GNG2: variants seen among roughly 807,000 people sequenced by gnomAD.
GNG2 encodes the protein guanine nucleotide-binding protein G(I)/G(S)/G(O) subunit gamma-2.
Under a neutral mutation model 5.5 loss-of-function variants are expected in GNG2, and 5 were observed. The ratio of observed to expected loss-of-function variants is 0.91; its 90% CI spans 0.48 to 1.92. GNG2 has a LOEUF of 1.92. Among genes scored for constraint, GNG2 ranks in the 30% most tolerant of loss-of-function variants. The pLI is 0.01. For missense variants in GNG2, 55 were observed against 88.4 expected (o/e 0.62, Z 1.52); for synonymous variants, 28 against 32.0 (o/e 0.88, Z 0.42).
chr14:51,952,287 A>T (rs1889020429), intron 3 of GNG2, among the ~76,000 whole-genome samples: 1 of 152,190 alleles, frequency 6.6e-6, no homozygotes, highest in Non-Finnish European at 1.5e-5. Context: ...TCTTCTTTCA[A>T]CAGCCTTAAT....
At chr14:51,879,494 T>G (rs1306432495) in intron 2 of GNG2, among the ~76,000 whole-genome samples, 1 of 152,214 alleles carries the variant, frequency 6.6e-6, no homozygotes, top group East Asian at 1.9e-4. Context: ...ACCTAGTGGC[T>G]TAGAACAACA....
At chr14:51,963,930 T>C (rs1318143454) in intron 3 of GNG2, among the ~76,000 whole-genome samples, 5 of 152,212 alleles carry the variant, frequency 3.3e-5, no homozygotes, top group Non-Finnish European at 7.3e-5. Context: ...TTTACATACA[T>C]ATCATGTATT....
intron 2 of GNG2, among the ~76,000 whole-genome samples, chr14:51,847,690 C>A (rs1881683644): frequency 6.6e-6 from 1 of 152,090 alleles, no homozygotes; most frequent in South Asian, 2.1e-4. Flanking sequence ...ACGAGAGGGG[C>A]CATGGACCCT....
chr14:51,957,346 A>G (rs1355249608), intron 3 of GNG2, among the ~76,000 whole-genome samples: 1 of 152,112 alleles, frequency 6.6e-6, no homozygotes, highest in Non-Finnish European at 1.5e-5. Flanking sequence ...AACGGCCTCA[A>G]TTGTTTACAT....
At chr14:51,863,667 A>G (rs1386775257) in intron 1 of GNG2, among the ~76,000 whole-genome samples, 2 of 152,142 alleles carry the variant, frequency 1.3e-5, no homozygotes, top group Non-Finnish European at 2.9e-5. Context: ...TTCTATACCC[A>G]TTAATCAATA....
At chr14:51,910,763 G>C (rs1886242333) in intron 2 of GNG2, among the ~76,000 whole-genome samples, 1 of 152,182 alleles carries the variant, frequency 6.6e-6, no homozygotes, top group Non-Finnish European at 1.5e-5. Context: ...TCCATGTCTT[G>C]TTCTGTTAAT....
chr14:51,878,722 G>A (rs975349603), intron 2 of GNG2, among the ~76,000 whole-genome samples: 1 of 152,164 alleles, frequency 6.6e-6, no homozygotes, highest in African/African-American at 2.4e-5. Flanking sequence ...ATCTCCAAAT[G>A]AGGTGATCTG....
chr14:51,911,592 G>A (rs1886298258), intron 2 of GNG2, among the ~76,000 whole-genome samples: 1 of 151,436 alleles, frequency 6.6e-6, no homozygotes, highest in South Asian at 2.1e-4. Context: ...TACCCAAGCT[G>A]GGGTACAGTG....
At chr14:51,966,457 C>A in intron 3 of GNG2, 102 bp from the exon 4 acceptor site, 1 of 1,013,880 alleles carries the variant, frequency 9.9e-7, no homozygotes, top group Non-Finnish European at 1.5e-6. Flanking sequence ...TATCTTGCTT[C>A]ATGGAGCAAG....
chr14:51,959,447 A>G (rs1398983947), intron 3 of GNG2, among the ~76,000 whole-genome samples: 4 of 152,086 alleles, frequency 2.6e-5, no homozygotes, highest in Admixed American at 2.6e-4. Flanking sequence ...TTTTTTATTC[A>G]TACTGTGCAT....
intron 1 of GNG2, among the ~76,000 whole-genome samples, chr14:51,864,337 C>T (rs1031641981): frequency 1.3e-5 from 2 of 152,020 alleles, no homozygotes; most frequent in African/African-American, 4.8e-5. Context: ...TATTCATATT[C>T]CTTGCTGATG....
intron 2 of GNG2, among the ~76,000 whole-genome samples, chr14:51,842,651 C>T (rs1881514873): frequency 6.7e-6 from 1 of 150,200 alleles, no homozygotes; most frequent in South Asian, 2.1e-4. Flanking sequence ...TTTCAGAGTA[C>T]AGTTATTTGC....
At chr14:51,910,978 G>T (rs548579591) in intron 2 of GNG2, among the ~76,000 whole-genome samples, 1 of 152,304 alleles carries the variant, frequency 6.6e-6, no homozygotes, top group Non-Finnish European at 1.5e-5. Flanking sequence ...TTTAGTTTTT[G>T]AACTTCCAAA....
intron 2 of GNG2, among the ~76,000 whole-genome samples, chr14:51,839,563 A>G (rs546880465): frequency 6.6e-6 from 1 of 152,154 alleles, no homozygotes; most frequent in East Asian, 1.9e-4. Context: ...GGTTCCCAAG[A>G]TTTATTTTCC....
intron 2 of GNG2, among the ~76,000 whole-genome samples, chr14:51,929,860 G>A (rs1382056993): frequency 2.0e-5 from 3 of 152,156 alleles, no homozygotes; most frequent in Non-Finnish European, 4.4e-5. Context: ...ACAGATAAAT[G>A]AAAATGTTTA....
intron 2 of GNG2, chr14:51,847,457 G>C (rs1881670392): frequency 6.6e-6 from 1 of 152,260 alleles, no homozygotes; most frequent in South Asian, 2.1e-4. Flanking sequence ...GAGTAGCCCT[G>C]ACTACGGAAG....
At chr14:51,856,552 C>T (rs899129205), upstream of GNG2, among the ~76,000 whole-genome samples, 6 of 152,190 alleles carry the variant, frequency 3.9e-5, no homozygotes, top group Non-Finnish European at 7.4e-5. Flanking sequence ...CCTGCCTCAG[C>T]CTCCTGAGTA....
At position 51,958,161 on chromosome 14, in the gene GNG2, T is replaced by C. The variant is rs908500002; in HGVS notation, c.87+7396T>C. 3.9e-5 allele frequency among the ~76,000 whole-genome samples: 6 copies of C among 152,364 alleles called. No homozygotes were observed. In the East Asian group the frequency reaches 1.2e-3, roughly 29 times the overall value. ...GTTGGCACAGACTGAAAGTGGTTAT[T>C]GCGTCCTTTTGGCATGCTGCCCTCA... is the stretch of plus-strand genomic sequence containing the variant. On this transcript the variant is annotated intron_variant, in intron 3 of 3. Transcript: ENST00000556766.
chr14:51,929,865 T>C (rs1324585646), intron 2 of GNG2, among the ~76,000 whole-genome samples: 2 of 152,202 alleles, frequency 1.3e-5, no homozygotes, highest in African/African-American at 4.8e-5. Context: ...TAAATGAAAA[T>C]GTTTATAGGA....
Sources: allele counts gnomAD v4.1 joint callset (sites outside exome capture counted in the v4.1 genomes callset), GRCh38; gene constraint gnomAD v4.1.1; transcripts MANE v1.5; gene names NCBI Gene and HGNC (gene_info 2026-07-23, HGNC 2026-07-21).